ATP2B2: variants seen among roughly 807,000 people sequenced by gnomAD.
ATP2B2 encodes ATPase plasma membrane Ca2+ transporting 2.
ATP2B2 carries 15 observed loss-of-function variants against 120.0 expected under a neutral mutation model. The ratio of observed to expected loss-of-function variants is 0.12; its 90% confidence interval spans 0.08 to 0.19. ATP2B2 has a LOEUF of 0.19. Among genes scored for constraint, ATP2B2 ranks in the 10% least tolerant of loss-of-function variants. ATP2B2 has a pLI of 1.00. For missense variants in ATP2B2, 1,045 were observed against 1,719.8 expected, an observed-to-expected ratio of 0.61 and a Z score of 6.94; for synonymous variants, 694 against 700.3, an observed-to-expected ratio of 0.99 and a Z score of 0.14.
chr3:10,485,772 C>T (rs1432130616), intron 1 of ATP2B2, among the ~76,000 whole-genome samples: 1 of 151,958 alleles, frequency 6.6e-6, no homozygotes, highest in Non-Finnish European at 1.5e-5. Context: ...CTCAGGCCTG[C>T]CTTCCCGGCT....
At chr3:10,368,177 C>T (rs1174294008) in intron 12 of ATP2B2, among the ~76,000 whole-genome samples, 1 of 142,304 alleles carries the variant, frequency 7.0e-6, no homozygotes, top group Non-Finnish European at 1.5e-5. Context: ...TCTATCCTTG[C>T]AAATACTCTT....
intron 2 of ATP2B2, among the ~76,000 whole-genome samples, chr3:10,573,985 C>G (rs2068187582): frequency 6.6e-6 from 1 of 152,130 alleles, no homozygotes; most frequent in South Asian, 2.1e-4. Context: ...CTGTCTCCCC[C>G]CATTATAAAT....
chr3:10,433,370 C>T (rs1437627354), intron 2 of ATP2B2, among the ~76,000 whole-genome samples: 4 of 152,152 alleles, frequency 2.6e-5, no homozygotes, highest in Non-Finnish European at 5.9e-5. Context: ...CAGCTGACAG[C>T]TCTAGGCTCT....
At chr3:10,569,723 A>C (rs7629381) in intron 2 of ATP2B2, among the ~76,000 whole-genome samples, 58,749 of 151,688 alleles carry the variant, frequency 0.39, 11,755 homozygotes, top group South Asian at 0.49. Flanking sequence ...TCTGGGGTGA[A>C]AGTGAAGGAG....
Position 10,698,091 on chromosome 3 carries a change from C to T in ATP2B2, c.-460+9824G>A, listed in dbSNP as rs192895067. Among the ~76,000 whole-genome samples the T allele has an allele frequency of 5.3e-5, 8 of 152,324 alleles. No individual in the cohort carries two copies. In the East Asian group the frequency reaches 1.5e-3, roughly 29 times the overall value. On this transcript the variant is annotated intron_variant, in intron 1 of 21. Transcript: ENST00000646379. ...AGTTTCTGCCTGTGCTCTCAACTGA[C>T]TCAGAGATAAGTCCTGGTCCATTTA...
intron 1 of ATP2B2, among the ~76,000 whole-genome samples, chr3:10,706,851 T>G (rs2071903777): frequency 6.6e-6 from 1 of 152,232 alleles, no homozygotes; most frequent in South Asian, 2.1e-4. Flanking sequence ...CCCTCAGATG[T>G]AGGAACCAAA....
In ATP2B2 at chr3:10,371,789, T is replaced by C. The variant is rs766117337; in HGVS notation, c.1659+20A>G. On this transcript the variant is annotated intron_variant, in intron 12 of 22. Coordinates refer to ENST00000360273, the MANE Select transcript of ATP2B2 (RefSeq NM_001001331.4). ...CATGGATGTTGCTCCAGGTGGTGGA[T>C]GTGCCTGGTCCACACTTACCAGAAT... 7.4e-6 allele frequency: 12 copies of C among 1,614,192 alleles called. No homozygotes were observed. The Admixed American group carries it at 1.8e-4, about 25-fold the overall frequency.
At chr3:10,606,944 GGGAGAGGGGGA>G (rs1160834162) in intron 2 of ATP2B2, among the ~76,000 whole-genome samples, 744 of 74,216 alleles carry the variant, frequency 0.01, 19 homozygotes, top group African/African-American at 0.049. Flanking sequence ...GAGAGGGAGA[GGGAGAGGGGGA>G]GGGGGGGAGA....
chr3:10,557,797 C>G (rs1399249896), intron 2 of ATP2B2, among the ~76,000 whole-genome samples: 1 of 152,124 alleles, frequency 6.6e-6, no homozygotes. Flanking sequence ...TCCGTGTGAG[C>G]CTGCAGTCCA....
At chr3:10,557,082 T>C (rs1398487990) in intron 2 of ATP2B2, among the ~76,000 whole-genome samples, 1 of 152,138 alleles carries the variant, frequency 6.6e-6, no homozygotes, top group Non-Finnish European at 1.5e-5. Context: ...TCCCGAGAAG[T>C]GGTTCCCTTC....
intron 1 of ATP2B2, among the ~76,000 whole-genome samples, chr3:10,683,295 T>G (rs937009094): frequency 3.0e-4 from 45 of 151,980 alleles, no homozygotes; most frequent in Admixed American, 4.6e-4. Flanking sequence ...TCCAATCCTT[T>G]GGATGAGTCA....
intron 1 of ATP2B2, among the ~76,000 whole-genome samples, chr3:10,471,954 G>T (rs562354814): frequency 5.9e-5 from 9 of 151,628 alleles, no homozygotes; most frequent in Non-Finnish European, 1.0e-4. Context: ...GGTGGCGGGC[G>T]CCTGTAGTCC....
At chr3:10,509,310 C>A (rs183052736), upstream of ATP2B2, among the ~76,000 whole-genome samples, 1 of 152,264 alleles carries the variant, frequency 6.6e-6, no homozygotes, top group East Asian at 1.9e-4. Flanking sequence ...CCTTGCCTTG[C>A]CTGGCTCGGG....
intron 2 of ATP2B2, among the ~76,000 whole-genome samples, chr3:10,569,135 G>A (rs1468302978): frequency 2.0e-5 from 3 of 152,182 alleles, no homozygotes; most frequent in Admixed American, 2.0e-4. Context: ...GAGTATCAGA[G>A]CCAAGCGTCA....
intron 1 of ATP2B2, among the ~76,000 whole-genome samples, chr3:10,623,854 T>C (rs1419704154): frequency 2.6e-5 from 4 of 152,192 alleles, no homozygotes; most frequent in Non-Finnish European, 4.4e-5. Context: ...CCAAACAACA[T>C]GCCCTAAACA....
chr3:10,379,202 G>T (rs2125538615), intron 9 of ATP2B2, 41 bp downstream of exon 9: 1 of 1,604,384 alleles, frequency 6.2e-7, no homozygotes, highest in Non-Finnish European at 8.5e-7. Flanking sequence ...GTGGGGAGGG[G>T]CCTCAGGGAC....
At chr3:10,379,388 C>G in intron 8 of ATP2B2, 104 bp from the exon 9 acceptor site, 1 of 1,317,550 alleles carries the variant, frequency 7.6e-7, no homozygotes, top group Non-Finnish European at 1.1e-6. Flanking sequence ...AGATGAAGGG[C>G]GGGCCGTGCT....
At chr3:10,434,228 T>C (rs1171466176) in intron 2 of ATP2B2, among the ~76,000 whole-genome samples, 1 of 152,236 alleles carries the variant, frequency 6.6e-6, no homozygotes, top group Non-Finnish European at 1.5e-5. Context: ...TATTATGGAA[T>C]CTCAAATGAC....
At chr3:10,450,673 G>C (rs1010675320) in intron 1 of ATP2B2, among the ~76,000 whole-genome samples, 1 of 148,250 alleles carries the variant, frequency 6.7e-6, no homozygotes, top group African/African-American at 2.7e-5. Context: ...TCACCTGGCA[G>C]GGGGAGGGGG....
Sources: allele counts gnomAD v4.1 joint callset (sites outside exome capture counted in the v4.1 genomes callset), GRCh38; gene constraint gnomAD v4.1.1; transcripts MANE v1.5; gene names NCBI Gene and HGNC (gene_info 2026-07-23, HGNC 2026-07-21).